EPRS1: variants seen among roughly 807,000 people sequenced by gnomAD.
The protein encoded by EPRS1 is bifunctional glutamate/proline--tRNA ligase.
EPRS1 carries 107 observed loss-of-function variants against 188.3 expected under a neutral mutation model. The observed-to-expected ratio is 0.57, with a 90% CI of 0.49 to 0.67. The LOEUF (loss-of-function observed/expected upper bound fraction) is 0.67. Ranked by LOEUF, EPRS1 falls within the 30% of genes least tolerant of loss-of-function variation. The pLI, the probability that EPRS1 is intolerant of heterozygous loss-of-function variation, is 0.00. For synonymous variants in EPRS1, 596 were observed against 593.1 expected (o/e 1.00, Z -0.07); for missense variants, 1,577 against 1,802.2 (o/e 0.88, Z 2.26).
chr1:220,042,669 C>T (rs963583234), intron 1 of EPRS1, among the ~76,000 whole-genome samples: 1 of 152,002 alleles, frequency 6.6e-6, no homozygotes, highest in Non-Finnish European at 1.5e-5. Context: ...TGCCTGTAAT[C>T]CCAGCACTTT....
At chr1:220,005,114 TATAAA>T (rs1661433519) in intron 16 of EPRS1, 129 bp downstream of exon 16, 2 of 406,492 alleles carry the variant, frequency 4.9e-6, no homozygotes, top group African/African-American at 4.1e-5. Context: ...AAATGTTAAA[TATAAA>T]ATAAAACTGA....
chr1:220,015,608 T>C (rs1661687376), intron 12 of EPRS1, among the ~76,000 whole-genome samples: 1 of 152,148 alleles, frequency 6.6e-6, no homozygotes, highest in Non-Finnish European at 1.5e-5. Flanking sequence ...GGAAGTCACA[T>C]GTTCTTCCAA....
intron 15 of EPRS1, 96 bp downstream of exon 15, chr1:220,006,010 A>C: frequency 1.5e-6 from 1 of 650,468 alleles, no homozygotes. Flanking sequence ...TACACATCTT[A>C]TCCATTTTAT....
At chr1:219,968,982 C>T in intron 31 of EPRS1, 26 bp from the exon 32 acceptor site, 2 of 1,613,314 alleles carry the variant, frequency 1.2e-6, no homozygotes, top group Non-Finnish European at 1.7e-6. Context: ...AATAAGAATT[C>T]CACTCATTTA....
At chr1:220,016,378 A>G (rs1485644099) in intron 12 of EPRS1, among the ~76,000 whole-genome samples, 2 of 139,162 alleles carry the variant, frequency 1.4e-5, no homozygotes, top group South Asian at 2.4e-4. Context: ...AAGAGTACGC[A>G]GGGGTGGGGA....
At chr1:220,038,390 C>CTTTTTT (rs71169431) in intron 2 of EPRS1, among the ~76,000 whole-genome samples, 69,856 of 100,934 alleles carry the variant, frequency 0.69, 25,226 homozygotes, top group Non-Finnish European at 0.74. Flanking sequence ...CTCAGTTTAT[C>CTTTTTT]TTTTTTTTTT....
chr1:220,036,261 A>G (rs112373098), intron 2 of EPRS1, among the ~76,000 whole-genome samples: 2,677 of 152,318 alleles, frequency 0.018, 80 homozygotes, highest in African/African-American at 0.061. Context: ...AACCACTGTA[A>G]AAAGCAGTAT....
chr1:219,978,679 T>C lies in EPRS1; in HGVS notation c.3950A>G (p.Glu1317Gly). Reference sequence around the variant, plus strand: ...TGCAATCAGCGCTTCTTTGTCTTCTTCAGAAAGTGCATTGGTAATGCCACA... The same window carrying C: ...TGCAATCAGCGCTTCTTTGTCTTCTCCAGAAAGTGCATTGGTAATGCCACA... ...IPCGITNALS[E>G]EDKEALIAKC... Residue 1317 changes from glutamate (E) to glycine (G), a missense_variant, in exon 28 of 32, where the codon GAA (glutamate) becomes GGA (glycine). Glu to Gly is a moderately conservative substitution (Grantham distance 98). Around this residue, in one of 3 missense-constraint regions of EPRS1, gnomAD observed 296 missense variants for 327.9 expected, o/e 0.90. Coordinates refer to ENST00000366923, the MANE Select transcript of EPRS1 (RefSeq NM_004446.3). 6.2e-7 allele frequency: 1 copy of C among 1,612,542 alleles called. No individual in the cohort carries two copies. Among genetic ancestry groups the C allele is most frequent in the Non-Finnish European group, 8.5e-7 (1 of 1,179,228 alleles).
At chr1:220,006,393 T>A in intron 14 of EPRS1, 80 bp from the exon 15 acceptor site, 2 of 391,240 alleles carry the variant, frequency 5.1e-6, no homozygotes, top group Non-Finnish European at 8.5e-6. Context: ...ATAATAATTT[T>A]ATATTATTAT....
chr1:219,984,407 A>C, intron 20 of EPRS1, 150 bp from the exon 21 acceptor site: 1 of 657,680 alleles, frequency 1.5e-6, no homozygotes, highest in Non-Finnish European at 2.7e-6. Context: ...CATTCCCAAG[A>C]TAACGTTGTT....
chr1:220,014,521 C>A (rs904053991), intron 12 of EPRS1, among the ~76,000 whole-genome samples: 1 of 152,056 alleles, frequency 6.6e-6, no homozygotes, highest in Non-Finnish European at 1.5e-5. Flanking sequence ...GGGTACTGCA[C>A]GAGAGACAAT....
chr1:219,995,297 G>A, intron 18 of EPRS1, among the ~76,000 whole-genome samples: 1 of 152,170 alleles, frequency 6.6e-6, no homozygotes, highest in East Asian at 1.9e-4. Flanking sequence ...ATTCATAGTT[G>A]ACTGTCACTC....
rs547134447 is a variant in EPRS1, at chr1:220,002,629, G to A, written c.2064-1374C>T. Among the ~76,000 whole-genome samples, 4 of 152,210 alleles carry A rather than the reference G, an allele frequency of 2.6e-5. No homozygotes were observed. The South Asian group carries it at 6.2e-4, about 24-fold the overall frequency. ...AATCCCAGCACTTCGGGGGGCCATG[G>A]CAGGTGGATCTCTTGAGCCGAGGAG... On this transcript the variant is annotated intron_variant, in intron 16 of 31. Coordinates refer to ENST00000366923, the MANE Select transcript of EPRS1 (RefSeq NM_004446.3).
chr1:220,037,931 C>T (rs1007410742), intron 2 of EPRS1, among the ~76,000 whole-genome samples: 1 of 152,002 alleles, frequency 6.6e-6, no homozygotes, highest in African/African-American at 2.4e-5. Flanking sequence ...AAAACTTACA[C>T]GGTCATTATA....
At chr1:219,984,374 T>C in intron 20 of EPRS1, 117 bp from the exon 21 acceptor site, 2 of 735,938 alleles carry the variant, frequency 2.7e-6, no homozygotes, top group South Asian at 3.2e-5. Context: ...GAGTTATTTC[T>C]GTATTTGTAA....
chr1:220,045,238 G>A (rs1017768936), intron 1 of EPRS1, among the ~76,000 whole-genome samples: 9 of 152,244 alleles, frequency 5.9e-5, no homozygotes, highest in African/African-American at 1.4e-4. Flanking sequence ...TGTGGCTCAC[G>A]CCTGTAATCC....
At chr1:219,999,316 TCTATTC>T (rs1463059851) in intron 17 of EPRS1, among the ~76,000 whole-genome samples, 1 of 152,118 alleles carries the variant, frequency 6.6e-6, no homozygotes, top group African/African-American at 2.4e-5. Context: ...ATATTGAATT[TCTATTC>T]AAAAGTGTGC....
At chr1:220,018,250 C>G in intron 12 of EPRS1, 199 bp downstream of exon 12, 1 of 1,034,454 alleles carries the variant, frequency 9.7e-7, no homozygotes, top group South Asian at 1.4e-5. Context: ...ATCATTGTTA[C>G]TTATTTGGAA....
chr1:220,027,420 T>A (rs1486303744), intron 6 of EPRS1, among the ~76,000 whole-genome samples: 1 of 86,618 alleles, frequency 1.2e-5, no homozygotes, highest in East Asian at 4.3e-4. Context: ...AGAGCAAGAC[T>A]CCATCTCAAA....
Sources: allele counts gnomAD v4.1 joint callset (sites outside exome capture counted in the v4.1 genomes callset), GRCh38; gene constraint gnomAD v4.1.1; regional missense constraint gnomAD v4.1.1; transcripts MANE v1.5; gene names NCBI Gene and HGNC (gene_info 2026-07-23, HGNC 2026-07-21).